Variants in CASZ1 observed in about 807,000 individuals in gnomAD.
CASZ1 encodes castor zinc finger 1.
A neutral mutation model predicts 135.2 loss-of-function variants in CASZ1; 28 were observed. That is an observed-to-expected ratio of 0.21 (90% CI 0.15 to 0.28). CASZ1 has a LOEUF of 0.28. Among genes scored for constraint, CASZ1 ranks in the 10% least tolerant of loss-of-function variants. CASZ1 has a pLI of 1.00. For missense variants in CASZ1, 2,161 were observed against 2,453.3 expected (o/e 0.88, Z 2.52); for synonymous variants, 1,068 against 1,073.4 (o/e 0.99, Z 0.10).
Position 10,666,784 on chromosome 1 carries a change from GACAC to G in CASZ1, c.17-1217_17-1214del, listed in dbSNP as rs151005113. ...CCTGCCACAAAGGCTGGCGAGGGTG[GACAC>G]ACACACACGCACACACACGCGTGCA... is the stretch of plus-strand genomic sequence containing the variant. On this transcript the variant is annotated intron_variant, in intron 4 of 20. Coordinates refer to ENST00000377022, the MANE Select transcript of CASZ1 (RefSeq NM_001079843.3). This position sits in a 1 kb window ranked among gnomAD's most constrained non-coding sequence, Gnocchi z 5.2. Among the ~76,000 whole-genome samples, 642 of 152,240 alleles carry G rather than the reference GACAC, an allele frequency of 4.2e-3. 5 individuals are homozygous for G. Among genetic ancestry groups the G allele is most frequent in the Non-Finnish European group, 7.0e-3 (473 of 68,008 alleles).
At position 10,794,086 on chromosome 1, in the gene CASZ1, G is replaced by A. The variant is rs1250818279; in HGVS notation, c.-234+2478C>T. On this transcript the variant is annotated intron_variant, in intron 1 of 20. Transcript: ENST00000377022. The surrounding 1 kb of genome is among the most constrained non-coding windows in gnomAD (Gnocchi z 5.6). ...AACAACTACCCCCCTCCCCATGCCCGGCGCAGCTGCTCCTGCTCAGCCGGG... is the reference window on the plus strand; with the variant it reads ...AACAACTACCCCCCTCCCCATGCCCAGCGCAGCTGCTCCTGCTCAGCCGGG... Among the ~76,000 whole-genome samples, 1 of 152,056 alleles carries A rather than the reference G, an allele frequency of 6.6e-6. No individual in the cohort carries two copies. Among genetic ancestry groups the A allele is most frequent in the African/African-American group, 2.4e-5 (1 of 41,410 alleles).
intron 8 of CASZ1, 87 bp downstream of exon 8, chr1:10,656,559 C>G (rs1348554362): frequency 6.6e-5 from 66 of 1,002,824 alleles, no homozygotes; most frequent in Non-Finnish European, 9.0e-5. Context: ...CTAACCCCCC[C>G]CACTGCCGTC....
At position 10,700,008 on chromosome 1, in the gene CASZ1, AACAGAG is replaced by A. The variant is rs1427032085; in HGVS notation, c.-24+5478_-24+5483del. 2.0e-5 allele frequency among the ~76,000 whole-genome samples: 3 copies of A among 150,334 alleles called. No homozygotes were observed. The highest frequency in any genetic ancestry group is 7.4e-5 in the African/African-American group (3 of 40,774). Reference sequence around the variant, plus strand: ...AGAGACAGGCAGAGAGAGAGAGAGAAACAGAGACAGAGAAAGAGAGAGAGAGACAGA... The same window carrying A: ...AGAGACAGGCAGAGAGAGAGAGAGAAACAGAGAAAGAGAGAGAGAGACAGA... On this transcript the variant is annotated intron_variant, in intron 3 of 20. Coordinates refer to ENST00000377022, the MANE Select transcript of CASZ1 (RefSeq NM_001079843.3). The surrounding 1 kb of genome is among the most constrained non-coding windows in gnomAD (Gnocchi z 4.2).
intron 2 of CASZ1, among the ~76,000 whole-genome samples, chr1:10,729,278 G>A (rs1208678526): frequency 6.6e-6 from 1 of 152,162 alleles, no homozygotes; most frequent in Non-Finnish European, 1.5e-5. Flanking sequence ...CTGCAGGGGG[G>A]CTTCCTGGGG....
rs1639424410 is a variant in CASZ1, at chr1:10,717,923, G to C, written c.-76-12379C>G. The stretch of plus-strand genomic sequence containing the variant: ...GCCTTTAAGGCTGTGCAGCCGCTGC[G>C]AGCACGCCTGGTCGCCTCAGCGACC... On this transcript the variant is annotated intron_variant, in intron 2 of 20. Coordinates refer to ENST00000377022, the MANE Select transcript of CASZ1 (RefSeq NM_001079843.3). The surrounding 1 kb of genome is among the most constrained non-coding windows in gnomAD (Gnocchi z 4.6). Among the ~76,000 whole-genome samples the C allele has an allele frequency of 6.6e-6, 1 of 152,256 alleles. No homozygotes were observed. Among genetic ancestry groups the C allele is most frequent in the African/African-American group, 2.4e-5 (1 of 41,468 alleles).
chr1:10,668,084 C>T (rs284319), intron 4 of CASZ1, among the ~76,000 whole-genome samples: 25,453 of 152,156 alleles, frequency 0.17, 2,288 homozygotes, highest in Middle Eastern at 0.26. Flanking sequence ...AGGTGGGAGG[C>T]GTGTGGGCCG....
At chr1:10,698,542 A>G (rs1279289347) in intron 3 of CASZ1, among the ~76,000 whole-genome samples, 3 of 136,722 alleles carry the variant, frequency 2.2e-5, no homozygotes, top group African/African-American at 8.7e-5. Flanking sequence ...ACATCCTTAT[A>G]TTTCAGAGAA....
chr1:10,676,223 G>T lies in CASZ1; in HGVS notation c.17-10652C>A, dbSNP rs1436913562. On this transcript the variant is annotated intron_variant, in intron 4 of 20. Coordinates refer to ENST00000377022, the MANE Select transcript of CASZ1 (RefSeq NM_001079843.3). This position sits in a 1 kb window ranked among gnomAD's most constrained non-coding sequence, Gnocchi z 4.5. ...ATGCCAACCAAGTGACAGACACCAA[G>T]GCCCTGCTGGACTGGCCCGGACCCC... Among the ~76,000 whole-genome samples, 4 of 152,140 alleles carry T rather than the reference G, an allele frequency of 2.6e-5. No individual in the cohort carries two copies. The highest frequency in any genetic ancestry group is 5.9e-5 in the Non-Finnish European group (4 of 68,002).
chr1:10,778,234 A>G (rs1640696815), intron 1 of CASZ1, among the ~76,000 whole-genome samples: 1 of 151,444 alleles, frequency 6.6e-6, no homozygotes, highest in Non-Finnish European at 1.5e-5. Flanking sequence ...CTCATACACA[A>G]TCACACAATC....
rs532142526 is a variant in CASZ1, at chr1:10,762,700, C to G, written c.-233-1843G>C. Among the ~76,000 whole-genome samples, 62 of 152,332 alleles carry G rather than the reference C, an allele frequency of 4.1e-4. No homozygotes were observed. The highest frequency in any genetic ancestry group is 1.0e-3 in the South Asian group (5 of 4,832). ...GCATCTTACACAGGAGGCTGACATG[C>G]CCCTCTTCCAGCTTTGTAAAACAGA... is the stretch of plus-strand genomic sequence containing the variant. On this transcript the variant is annotated intron_variant, in intron 1 of 20. Transcript: ENST00000377022. The surrounding 1 kb of genome is among the most constrained non-coding windows in gnomAD (Gnocchi z 4.1).
At chr1:10,644,592 C>T (rs1377121037) in intron 18 of CASZ1, among the ~76,000 whole-genome samples, 1 of 152,212 alleles carries the variant, frequency 6.6e-6, no homozygotes, top group Non-Finnish European at 1.5e-5. Context: ...CTAAAAATTC[C>T]CTGCTCGCCT....
intron 4 of CASZ1, among the ~76,000 whole-genome samples, chr1:10,668,881 G>A (rs775054342): frequency 1.3e-5 from 2 of 152,262 alleles, no homozygotes; most frequent in Admixed American, 6.5e-5. Context: ...GGTGCCACAC[G>A]TGAGCTTGAG....
intron 2 of CASZ1, among the ~76,000 whole-genome samples, chr1:10,722,860 A>G (rs1030890203): frequency 1.3e-5 from 2 of 152,212 alleles, no homozygotes; most frequent in Non-Finnish European, 2.9e-5. Flanking sequence ...CTCCCCCCCA[A>G]AAAGGCCTGC....
chr1:10,664,196 C>G (rs532480001), intron 5 of CASZ1, among the ~76,000 whole-genome samples: 13 of 152,264 alleles, frequency 8.5e-5, no homozygotes, highest in African/African-American at 3.1e-4. Context: ...AGATGCACCC[C>G]TTGCTGCAGG....
At chr1:10,648,171 G>T in intron 15 of CASZ1, 32 bp from the exon 16 acceptor site, 2 of 1,440,702 alleles carry the variant, frequency 1.4e-6, no homozygotes, top group Non-Finnish European at 1.9e-6. Flanking sequence ...GTCTCATGGG[G>T]GGCAGTGAAG....
Position 10,709,481 on chromosome 1 carries a change from T to A in CASZ1, c.-76-3937A>T, listed in dbSNP as rs1007740239. Among the ~76,000 whole-genome samples the A allele has an allele frequency of 4.6e-5, 7 of 152,166 alleles. No homozygotes were observed. Among genetic ancestry groups the A allele is most frequent in the Non-Finnish European group, 7.4e-5 (5 of 68,010 alleles). On this transcript the variant is annotated intron_variant, in intron 2 of 20. Transcript: ENST00000377022. The surrounding 1 kb of genome is among the most constrained non-coding windows in gnomAD (Gnocchi z 5.1). Reference sequence around the variant, plus strand: ...TGGCCTCCTTCCTGTATTGAGGAGCTGTCAGGAGCCCGAGTGAGAGTCTCA... The same window carrying A: ...TGGCCTCCTTCCTGTATTGAGGAGCAGTCAGGAGCCCGAGTGAGAGTCTCA...
At position 10,725,193 on chromosome 1, in the gene CASZ1, A is replaced by C. The variant is rs1264790041; in HGVS notation, c.-76-19649T>G. Among the ~76,000 whole-genome samples, 1 of 152,126 alleles carries C rather than the reference A, an allele frequency of 6.6e-6. No homozygotes were observed. Among genetic ancestry groups the C allele is most frequent in the Non-Finnish European group, 1.5e-5 (1 of 68,008 alleles). On this transcript the variant is annotated intron_variant, in intron 2 of 20. Transcript: ENST00000377022. This position sits in a 1 kb window ranked among gnomAD's most constrained non-coding sequence, Gnocchi z 4.4. ...GAGAACGTGTTAAGACCAAGGAGTG[A>C]CCATGTCACTGCCCAGGGCAGCCCG...
intron 2 of CASZ1, among the ~76,000 whole-genome samples, chr1:10,758,347 T>G (rs1355836501): frequency 1.3e-5 from 2 of 148,284 alleles, no homozygotes; most frequent in Admixed American, 1.3e-4. Flanking sequence ...TTTTTTTTTT[T>G]TTGAGACAGA....
chr1:10,765,390 GAA>G (rs113769665), intron 1 of CASZ1, among the ~76,000 whole-genome samples: 31 of 141,132 alleles, frequency 2.2e-4, no homozygotes, highest in African/African-American at 7.2e-4. Context: ...TATGGAAAAG[GAA>G]AAAAAAAAAA....
Sources: allele counts gnomAD v4.1 joint callset (sites outside exome capture counted in the v4.1 genomes callset), GRCh38; gene constraint gnomAD v4.1.1; non-coding constraint Gnocchi (gnomAD v3.1); transcripts MANE v1.5; gene names NCBI Gene and HGNC (gene_info 2026-07-23, HGNC 2026-07-21).